The following PI4K2A variants were observed in gnomAD, a reference collection of about 807,000 sequenced individuals.
PI4K2A encodes the protein phosphatidylinositol 4-kinase type 2-alpha.
Under a neutral mutation model 55.0 loss-of-function variants are expected in PI4K2A, and 20 were observed. The ratio of observed to expected loss-of-function variants is 0.36; its 90% CI spans 0.26 to 0.53. PI4K2A has a LOEUF of 0.53. Among genes scored for constraint, PI4K2A ranks in the 20% least tolerant of loss-of-function variants. The pLI, the probability that PI4K2A is intolerant of heterozygous loss-of-function variation, is 0.91. For missense variants in PI4K2A, 463 were observed against 637.1 expected, an observed-to-expected ratio of 0.73 and a Z score of 2.94; for synonymous variants, 235 against 258.5, an observed-to-expected ratio of 0.91 and a Z score of 0.87.
At chr10:97,661,286 C>G (rs540118712) in intron 4 of PI4K2A, among the ~76,000 whole-genome samples, 1 of 151,910 alleles carries the variant, frequency 6.6e-6, no homozygotes, top group African/African-American at 2.4e-5. Flanking sequence ...CCACCGCGCC[C>G]GGCCACTGCT....
intron 1 of PI4K2A, among the ~76,000 whole-genome samples, chr10:97,643,167 T>C (rs1048909301): frequency 2.0e-5 from 3 of 151,694 alleles, no homozygotes; most frequent in African/African-American, 7.3e-5. Context: ...TTATTTTTCA[T>C]GGAGACAAGA....
rs201219082 is a variant in PI4K2A, at chr10:97,642,843, C to CTTTA, written c.435+1668_435+1669insTATT. ...CCTTCCTTCCTTCCTTCCTTCCTTC[C>CTTTA]TTCCTTCCTTTCTTTCTTTCTTTTT... is the stretch of plus-strand genomic sequence containing the variant. On this transcript the variant is annotated intron_variant, in intron 1 of 8. Transcript: ENST00000370631. 1.4e-4 allele frequency among the ~76,000 whole-genome samples: 2 copies of CTTTA among 13,866 alleles called. 1 individual carries two copies. The highest frequency in any genetic ancestry group is 3.1e-4 in the Non-Finnish European group (2 of 6,504). 9.1% of individuals were successfully genotyped at this position (13,866 alleles called of 152,430 possible).
chr10:97,660,268 TG>T lies in PI4K2A; in HGVS notation c.923-2636del, dbSNP rs1347274891. On this transcript the variant is annotated intron_variant, in intron 4 of 8. Coordinates refer to ENST00000370631, the Ensembl canonical transcript of PI4K2A. ...TGCCCGCCTTGGCCTCCCAAAGTGC[TG>T]GGATTACAGGCGTGAGCCACCGCGC... is the stretch of plus-strand genomic sequence containing the variant. 2.7e-5 allele frequency among the ~76,000 whole-genome samples: 4 copies of T among 149,598 alleles called. No individual in the cohort carries two copies. The East Asian group carries it at 7.8e-4, about 29-fold the overall frequency.
At chr10:97,641,295 C>T (rs2041467197) in intron 1 of PI4K2A, 118 bp downstream of exon 1, 1 of 735,350 alleles carries the variant, frequency 1.4e-6, no homozygotes, top group Non-Finnish European at 2.2e-6. Context: ...CAGCCCCTGG[C>T]AGGATTTAGG....
At position 97,656,889 on chromosome 10, in the gene PI4K2A, A is replaced by C. The variant is rs1258085992; in HGVS notation, c.837A>C (p.Ala279=). Residue 279 remains alanine, a synonymous_variant, in exon 4 of 9, where the codon GCA becomes GCC. Transcript: ENST00000370631. This position sits in a 1 kb window ranked among gnomAD's most constrained non-coding sequence, Gnocchi z 4.5. ...ACTATTGGCTGCGGCGTTTTGAAGC[A>C]GAACCTCTTCCTGAGAACACTAACC... 1 of 1,614,210 alleles carries C rather than the reference A, an allele frequency of 6.2e-7. No individual in the cohort carries two copies. The highest frequency in any genetic ancestry group is 1.7e-5 in the Admixed American group (1 of 60,030).
rs2135756734 is a variant in PI4K2A, at chr10:97,657,075, G to GAC, written c.922+105_922+106dup. On this transcript the variant is annotated intron_variant, in intron 4 of 8. Coordinates refer to ENST00000370631, the Ensembl canonical transcript of PI4K2A. Reference sequence around the variant, plus strand: ...CTTGGGAGTCAGAGTACCTTGTCCAGACACATCATGTGTAGTTTTCAGAAG... The same window carrying GAC: ...CTTGGGAGTCAGAGTACCTTGTCCAGACACACATCATGTGTAGTTTTCAGAAG... The GAC allele has an allele frequency of 6.2e-6, 7 of 1,126,712 alleles. 1 individual carries two copies. In the East Asian group the frequency reaches 1.7e-4, roughly 27 times the overall value. 69.8% of individuals were successfully genotyped at this position (1,126,712 alleles called of 1,614,324 possible).
At position 97,667,093 on chromosome 10, in the gene PI4K2A, T is replaced by C. The variant is rs1458855831; in HGVS notation, c.1251T>C (p.His417=). 5.0e-6 allele frequency: 8 copies of C among 1,613,734 alleles called. No individual in the cohort carries two copies. In the East Asian group the frequency reaches 1.8e-4, roughly 36 times the overall value. ...CTGGTTTCGACAGGGGCCAGTTCCA[T>C]AAGCAGATTGCTGTCATGCGGGGCC... The change falls in exon 8 of 9, where the codon CAT becomes CAC. Residue 417 remains histidine (H), a synonymous_variant. Coordinates refer to ENST00000370631, the Ensembl canonical transcript of PI4K2A.
chr10:97,657,988 A>C (rs536730290), intron 4 of PI4K2A, among the ~76,000 whole-genome samples: 107 of 152,178 alleles, frequency 7.0e-4, no homozygotes, highest in African/African-American at 2.5e-3. Flanking sequence ...GACACCCGCC[A>C]TCATGCATGG....
intron 8 of PI4K2A, among the ~76,000 whole-genome samples, chr10:97,670,051 C>T (rs1252718239): frequency 3.9e-5 from 6 of 152,072 alleles, no homozygotes; most frequent in Admixed American, 3.9e-4. Context: ...GGACCACAGG[C>T]ATGCACCACC....
At chr10:97,642,818 C>CCTTA (rs2041478158) in intron 1 of PI4K2A, among the ~76,000 whole-genome samples, 1 of 5,420 alleles carries the variant, frequency 1.8e-4, no homozygotes, top group Non-Finnish European at 4.8e-4. Context: ...TTCCTTCCTT[C>CCTTA]CTTCCTTCCT....
chr10:97,643,110 C>T (rs2041486960), intron 1 of PI4K2A, among the ~76,000 whole-genome samples: 1 of 151,594 alleles, frequency 6.6e-6, no homozygotes, highest in Admixed American at 6.6e-5. Context: ...CACTCAGCTT[C>T]CGAGTAGCTG....
At position 97,641,073 on chromosome 10, in the gene PI4K2A, G is replaced by T; in HGVS notation, c.331G>T (p.Glu111Ter). Reference sequence around the variant, plus strand: ...CGAGTTCCCGGAGGATCCTGAGTTCGAGGCGGTGGTGCGGCAGGCCGAGCT... The same window carrying T: ...CGAGTTCCCGGAGGATCCTGAGTTCTAGGCGGTGGTGCGGCAGGCCGAGCT... Residue 111 changes from glutamate (E) to a stop codon, truncating the protein, a stop_gained, in exon 1 of 9, where the codon GAG (glutamate) becomes TAG (stop). Coordinates refer to ENST00000370631, the Ensembl canonical transcript of PI4K2A. LOFTEE classifies it high-confidence loss of function. 1 of 1,608,156 alleles carries T rather than the reference G, an allele frequency of 6.2e-7. No homozygotes were observed.
In PI4K2A at chr10:97,656,280, T is replaced by C. The variant is rs1197639435; in HGVS notation, c.637-5T>C. On this transcript the variant is annotated splice_polypyrimidine_tract_variant and splice_region_variant and intron_variant, in intron 2 of 8. Coordinates refer to ENST00000370631, the Ensembl canonical transcript of PI4K2A. This position sits in a 1 kb window ranked among gnomAD's most constrained non-coding sequence, Gnocchi z 4.5. Reference sequence around the variant, plus strand: ...AACCTTAGTATCTCTTCTCTTTCACTGTAGGTAGTATACCTGGCCAGTGAG... The same window carrying C: ...AACCTTAGTATCTCTTCTCTTTCACCGTAGGTAGTATACCTGGCCAGTGAG... 1 of 1,612,644 alleles carries C rather than the reference T, an allele frequency of 6.2e-7. No individual in the cohort carries two copies. Among genetic ancestry groups the C allele is most frequent in the South Asian group, 1.1e-5 (1 of 91,050 alleles).
At chr10:97,671,511 C>T (rs1341171396) in intron 8 of PI4K2A, among the ~76,000 whole-genome samples, 1 of 151,698 alleles carries the variant, frequency 6.6e-6, no homozygotes, top group African/African-American at 2.4e-5. Context: ...ACTCTTTGTA[C>T]AATCTGCAAC....
At chr10:97,664,785 T>C (rs2041602021) in intron 5 of PI4K2A, 100 bp from the exon 6 acceptor site, 1 of 736,228 alleles carries the variant, frequency 1.4e-6, no homozygotes, top group African/African-American at 1.7e-5. Flanking sequence ...TCAATAAGAA[T>C]TCTTCTCTTG....
chr10:97,662,173 CT>C (rs1286354892), intron 4 of PI4K2A, among the ~76,000 whole-genome samples: 1 of 152,100 alleles, frequency 6.6e-6, no homozygotes, highest in Non-Finnish European at 1.5e-5. Context: ...TGACTTTTAT[CT>C]TTTTAAACAT....
At chr10:97,652,009 G>A (rs747067236) in intron 2 of PI4K2A, among the ~76,000 whole-genome samples, 2 of 152,086 alleles carry the variant, frequency 1.3e-5, no homozygotes, top group Non-Finnish European at 2.9e-5. Context: ...CCCTGAGGCT[G>A]CTGAGTCATC....
intron 8 of PI4K2A, 101 bp from the exon 9 acceptor site, chr10:97,673,479 TA>T (rs1564778178): frequency 1.1e-6 from 1 of 902,984 alleles, no homozygotes; most frequent in African/African-American, 1.7e-5. Context: ...ATTGGTATTT[TA>T]AAAAATTGAT....
chr10:97,643,720 C>T (rs751046023), intron 1 of PI4K2A, among the ~76,000 whole-genome samples: 4 of 152,164 alleles, frequency 2.6e-5, no homozygotes, highest in Non-Finnish European at 5.9e-5. Flanking sequence ...TAAATGCTTG[C>T]GGTGGGTTAG....
Sources: allele counts gnomAD v4.1 joint callset (sites outside exome capture counted in the v4.1 genomes callset), GRCh38; gene constraint gnomAD v4.1.1; non-coding constraint Gnocchi (gnomAD v3.1); transcripts MANE v1.5; gene names NCBI Gene and HGNC (gene_info 2026-07-23, HGNC 2026-07-21).